The following CNTROB variants were observed in gnomAD, a reference collection of about 807,000 sequenced individuals.
The protein encoded by CNTROB is centrobin.
Under a neutral mutation model 115.7 loss-of-function variants are expected in CNTROB, and 82 were observed. The observed-to-expected ratio is 0.71, with a 90% CI of 0.59 to 0.85. The LOEUF (loss-of-function observed/expected upper bound fraction) is 0.85. CNTROB is among the 40% of genes least tolerant of loss of function. The pLI, the probability that CNTROB is intolerant of heterozygous loss-of-function variation, is 0.00. For synonymous variants in CNTROB, 439 were observed against 456.4 expected (o/e 0.96, Z 0.49); for missense variants, 1,014 against 1,144.4 (o/e 0.89, Z 1.64).
chr17:7,934,830 G>A, intron 3 of CNTROB, 159 bp from the exon 4 acceptor site: 1 of 817,178 alleles, frequency 1.2e-6, no homozygotes, highest in Non-Finnish European at 1.9e-6. Flanking sequence ...TCACAGACCT[G>A]TGTGTTATTT....
Position 7,937,078 on chromosome 17 carries a change from A to C in CNTROB, c.829-86A>C. On this transcript the variant is annotated intron_variant, in intron 6 of 18. Transcript: ENST00000563694. ...GTCATTTAGTTAACTGTGAAGTTTC[A>C]AGTTTACATTGTCAATGCTTTATAA... The C allele has an allele frequency of 2.6e-6, 4 of 1,532,866 alleles. No homozygotes were observed. In the South Asian group the frequency reaches 4.6e-5, roughly 18 times the overall value. 95.0% of individuals were successfully genotyped at this position (1,532,866 alleles called of 1,614,324 possible).
intron 12 of CNTROB, chr17:7,945,184 A>G (rs1408915603): frequency 6.6e-6 from 1 of 152,146 alleles, no homozygotes; most frequent in African/African-American, 2.4e-5. Context: ...AGCCCTTCAT[A>G]CGTTGATACT....
chr17:7,935,237 C>T lies in CNTROB; in HGVS notation c.594+92C>T. 2.5e-6 allele frequency: 4 copies of T among 1,576,058 alleles called. No individual in the cohort carries two copies. In the East Asian group the frequency reaches 9.0e-5, roughly 35 times the overall value. ...GGGCTGAGGGGGCCTGGCGTGGTGG[C>T]TCACGCCTGTAATCACAGCACTTTG... On this transcript the variant is annotated intron_variant, in intron 4 of 18. Transcript: ENST00000563694.
In CNTROB at chr17:7,944,051, G is replaced by C; in HGVS notation, c.1446-72G>C. ...CTGGGTCACTGTCATGTGCACACAT[G>C]ATGTCTTTTTCTCAGTTGGTCACTT... is the stretch of plus-strand genomic sequence containing the variant. On this transcript the variant is annotated intron_variant, in intron 10 of 18. Transcript: ENST00000563694. The surrounding 1 kb of genome is among the most constrained non-coding windows in gnomAD (Gnocchi z 4.0). 8.5e-7 allele frequency: 1 copy of C among 1,169,704 alleles called. No individual in the cohort carries two copies. Among genetic ancestry groups the C allele is most frequent in the Non-Finnish European group, 1.3e-6 (1 of 789,992 alleles). The allele number at this position is 1,169,704 out of a possible 1,614,324, so 72.5% of individuals were successfully genotyped here. A position where few individuals can be genotyped will look rare whatever the true frequency, so the allele number is the denominator to read the frequency against.
rs375609718 is a variant in CNTROB, at chr17:7,933,190, G to T, written c.111G>T (p.Gln37His). 1.9e-6 allele frequency: 3 copies of T among 1,614,098 alleles called. No homozygotes were observed. The highest frequency in any genetic ancestry group is 2.2e-5 in the East Asian group (1 of 44,894). ...AAGTGTCGTCTGAAGTGACCTCCCA[G>T]CTCTATGCTTCTTTGCGCCTCAGCC... ...LNQVSSEVTS[Q>H]LYASLRLSRQ... Residue 37 changes from glutamine to histidine, a missense_variant, in exon 1 of 19, where the codon CAG (glutamine) becomes CAT (histidine). Transcript: ENST00000563694.
chr17:7,944,269 C>T lies in CNTROB; in HGVS notation c.1571+21C>T, dbSNP rs1383671074. The T allele has an allele frequency of 6.2e-7, 1 of 1,611,942 alleles. No homozygotes were observed. Among genetic ancestry groups the T allele is most frequent in the East Asian group, 2.2e-5 (1 of 44,866 alleles). On this transcript the variant is annotated intron_variant, in intron 11 of 18. Transcript: ENST00000563694. The surrounding 1 kb of genome is among the most constrained non-coding windows in gnomAD (Gnocchi z 4.0). ...CTCAGGTCCTGGTCCCCAGAGTGCC[C>T]CTTTCAGGCCCCAGCCCCTTTCCCA... is the stretch of plus-strand genomic sequence containing the variant.
intron 7 of CNTROB, among the ~76,000 whole-genome samples, chr17:7,938,942 C>A (rs1973521030): frequency 6.6e-6 from 1 of 152,102 alleles, no homozygotes; most frequent in African/African-American, 2.4e-5. Context: ...CCATGCCCAG[C>A]TAATTTTTAT....
intron 13 of CNTROB, 44 bp downstream of exon 13, chr17:7,946,030 A>C: frequency 6.3e-7 from 1 of 1,576,256 alleles, no homozygotes; most frequent in Non-Finnish European, 8.7e-7. Context: ...TCTGTGCATG[A>C]ATTGGCTCCC....
chr17:7,949,592 C>T lies in CNTROB; in HGVS notation c.*82C>T. ...CATTAGTCTGTATCAGAGTCTCTGG[C>T]TCATAGGAATTTGGAAAATAGAGGT... On this transcript the variant is annotated 3_prime_UTR_variant, in exon 19 of 19. Coordinates refer to ENST00000563694, the MANE Select transcript of CNTROB (RefSeq NM_053051.5). 1 of 1,391,102 alleles carries T rather than the reference C, an allele frequency of 7.2e-7. No individual in the cohort carries two copies. The highest frequency in any genetic ancestry group is 1.7e-5 in the South Asian group (1 of 59,786). The allele number at this position is 1,391,102 out of a possible 1,614,324, so 86.2% of individuals were successfully genotyped here.
chr17:7,949,865 A>G lies in CNTROB; in HGVS notation c.*355A>G. On this transcript the variant is annotated 3_prime_UTR_variant, in exon 19 of 19. Coordinates refer to ENST00000563694, the MANE Select transcript of CNTROB (RefSeq NM_053051.5). ...TTTTAATACGTTTCTGTATTTTCCA[A>G]ATTTTCTAAAACAAGTATATGTTAC... is the stretch of plus-strand genomic sequence containing the variant. The G allele has an allele frequency of 5.5e-6, 1 of 182,056 alleles. No individual in the cohort carries two copies. Among genetic ancestry groups the G allele is most frequent in the Non-Finnish European group, 1.1e-5 (1 of 88,528 alleles). The allele number at this position is 182,056 out of a possible 1,614,324, so 11.3% of individuals were successfully genotyped here.
intron 3 of CNTROB, among the ~76,000 whole-genome samples, 166 bp downstream of exon 3, chr17:7,934,712 C>G (rs892898178): frequency 2.6e-5 from 4 of 152,192 alleles, no homozygotes; most frequent in Admixed American, 2.6e-4. Context: ...CCCCTTTACT[C>G]CTTCAGGAAC....
In CNTROB at chr17:7,938,175, G is replaced by C. The variant is rs183046119; in HGVS notation, c.927+913G>C. Reference sequence around the variant, plus strand: ...ATACCACCACGCCTAGCTAATTTTTGTATTTTTTTGGTAGAGACGGGGTTT... The same window carrying C: ...ATACCACCACGCCTAGCTAATTTTTCTATTTTTTTGGTAGAGACGGGGTTT... On this transcript the variant is annotated intron_variant, in intron 7 of 18. Transcript: ENST00000563694. Among the ~76,000 whole-genome samples the C allele has an allele frequency of 2.8e-4, 42 of 151,932 alleles. No homozygotes were observed. In the East Asian group the frequency reaches 7.0e-3, roughly 25 times the overall value.
Position 7,949,127 on chromosome 17 carries a change from C to A in CNTROB, c.2556C>A (p.Asp852Glu), listed in dbSNP as rs745360078. The A allele has an allele frequency of 3.1e-6, 5 of 1,614,022 alleles. No individual in the cohort carries two copies. In the African/African-American group the frequency reaches 6.7e-5, roughly 22 times the overall value. Residue 852 changes from aspartate (D) to glutamate (E), a missense_variant, in exon 18 of 19, where the codon GAC becomes GAA. Coordinates refer to ENST00000563694, the MANE Select transcript of CNTROB (RefSeq NM_053051.5). Reference sequence around the variant, plus strand: ...ATAATGTCCCCAGAAGGAACACAGACTCCCGCTTGGGTGAGATCCCCCGGA... The same window carrying A: ...ATAATGTCCCCAGAAGGAACACAGAATCCCGCTTGGGTGAGATCCCCCGGA... ...RGDNVPRRNT[D>E]SRLGEIPRKE... is the part of the protein sequence containing the mutation.
chr17:7,945,033 C>A (rs886405325), intron 12 of CNTROB, among the ~76,000 whole-genome samples: 4 of 152,222 alleles, frequency 2.6e-5, no homozygotes, highest in Non-Finnish European at 5.9e-5. Context: ...TTGGGCATAA[C>A]TCTAGTCTCC....
chr17:7,936,745 G>A lies in CNTROB; in HGVS notation c.756G>A (p.Glu252=), dbSNP rs1973228810. 1 of 1,567,644 alleles carries A rather than the reference G, an allele frequency of 6.4e-7. No homozygotes were observed. Among genetic ancestry groups the A allele is most frequent in the Non-Finnish European group, 8.8e-7 (1 of 1,137,460 alleles). ...AGGGCTGGAACCGGCATGAGGCTGA[G>A]CGGACAGAGGTTCTCAGGGGACTTC... is the stretch of plus-strand genomic sequence containing the variant. ...VVEGWNRHEA[E]RTEVLRGLQE... Residue 252 remains glutamate, a synonymous_variant, in exon 6 of 19, where the codon GAG becomes GAA. Coordinates refer to ENST00000563694, the MANE Select transcript of CNTROB (RefSeq NM_053051.5).
chr17:7,940,360 T>G, intron 9 of CNTROB, 118 bp downstream of exon 9: 5 of 943,560 alleles, frequency 5.3e-6, no homozygotes, highest in Non-Finnish European at 7.7e-6. Flanking sequence ...TTAATTCCAT[T>G]AACAGTTTCT....
Position 7,947,577 on chromosome 17 carries a change from C to A in CNTROB, c.2000C>A (p.Ala667Asp), listed in dbSNP as rs901954510. The change falls in exon 14 of 19, where the codon GCC becomes GAC. Residue 667 changes from alanine to aspartate, a missense_variant. Ala to Asp is a moderately radical substitution (Grantham distance 126). Coordinates refer to ENST00000563694, the MANE Select transcript of CNTROB (RefSeq NM_053051.5). ...TACCTGTTTCACTTTATAGCTGGGG[C>A]CTTCTCTGCACTTGGGGCCTTCCAT... ...KPDLTSSTAG[A>D]FSALGAFHPD... 11 of 1,603,294 alleles carry A rather than the reference C, an allele frequency of 6.9e-6. No homozygotes were observed. In the African/African-American group the frequency reaches 1.1e-4, roughly 16 times the overall value.
chr17:7,948,556 G>C lies in CNTROB; in HGVS notation c.2450G>C (p.Arg817Pro), dbSNP rs754000012. The change falls in exon 17 of 19, where the codon CGG becomes CCG. Residue 817 changes from arginine to proline, a missense_variant. Coordinates refer to ENST00000563694, the MANE Select transcript of CNTROB (RefSeq NM_053051.5). The surrounding 1 kb of genome is among the most constrained non-coding windows in gnomAD (Gnocchi z 4.4). Reference sequence around the variant, plus strand: ...CAACTGTTGCGACTCTACCAGGCTCGGGGCTGGGGGGCTCTGCCTGCTGAG... The same window carrying C: ...CAACTGTTGCGACTCTACCAGGCTCCGGGCTGGGGGGCTCTGCCTGCTGAG... ...VSQLLRLYQA[R>P]GWGALPAEDL... 6.2e-7 allele frequency: 1 copy of C among 1,614,130 alleles called. No homozygotes were observed. Among genetic ancestry groups the C allele is most frequent in the Admixed American group, 1.7e-5 (1 of 60,022 alleles).
chr17:7,935,409 G>A (rs1973047339), intron 4 of CNTROB, among the ~76,000 whole-genome samples: 2 of 152,272 alleles, frequency 1.3e-5, no homozygotes, highest in African/African-American at 2.4e-5. Flanking sequence ...GGCTGAGGCA[G>A]GAGAATGGCG....
Sources: gnomAD v4.1 joint callset for allele counts (sites outside exome capture counted in the v4.1 genomes callset) on GRCh38, gnomAD v4.1.1 for gene constraint, Gnocchi (gnomAD v3.1) non-coding constraint, MANE v1.5 for transcripts, NCBI Gene and HGNC (gene_info 2026-07-23, HGNC 2026-07-21) for gene names.